Variants in SEC14L6 observed in about 807,000 individuals in gnomAD.
SEC14L6 encodes SEC14 like lipid binding 6.
A neutral mutation model predicts 54.1 loss-of-function variants in SEC14L6; 40 were observed. The ratio of observed to expected loss-of-function variants is 0.74; its 90% CI spans 0.57 to 0.96. The LOEUF (loss-of-function observed/expected upper bound fraction) is 0.96. Among genes scored for constraint, SEC14L6 ranks in the 40% least tolerant of loss-of-function variants. The pLI is 0.00. For synonymous variants in SEC14L6, 171 were observed against 198.4 expected (o/e 0.86, Z 1.16); for missense variants, 471 against 498.3 (o/e 0.95, Z 0.52).
intron 3 of SEC14L6, 111 bp downstream of exon 3, chr22:30,533,885 T>G: frequency 9.7e-7 from 1 of 1,030,552 alleles, no homozygotes; most frequent in Non-Finnish European, 1.4e-6. Context: ...TCTCAATGAA[T>G]GGGTGTTCCA....
intron 3 of SEC14L6, 200 bp from the exon 4 acceptor site, chr22:30,533,056 G>A (rs1015589244): frequency 2.4e-5 from 24 of 985,254 alleles, no homozygotes; most frequent in Admixed American, 1.2e-4. Flanking sequence ...GGCCAGGAGA[G>A]ACCTAGAAAG....
In SEC14L6 at chr22:30,532,010, T is replaced by TGACA; in HGVS notation, c.424-16_424-13dup. ...ACCCTCTTCCCCAGCTGCAAGGGAA[T>TGACA]GACAGGGGGTGAGACCCTGTGAGGG... On this transcript the variant is annotated splice_polypyrimidine_tract_variant and intron_variant, in intron 5 of 11. Transcript: ENST00000402034. 6.5e-7 allele frequency: 1 copy of TGACA among 1,549,338 alleles called. No individual in the cohort carries two copies.
chr22:30,525,158 G>T, intron 11 of SEC14L6, 49 bp from the exon 12 acceptor site: 1 of 1,288,514 alleles, frequency 7.8e-7, no homozygotes, highest in Non-Finnish European at 1.1e-6. Flanking sequence ...CTGGGACTCT[G>T]ACTTCCATGG....
chr22:30,534,035 C>T lies in SEC14L6; in HGVS notation c.135G>A (p.Arg45=). ...CCTCTGATTTCTGCAGGTCAAAGCT[C>T]CGAGCTGCAACAAGAGACAGGGTTA... The part of the protein sequence containing the change: ...DYFLLRWLQA[R]SFDLQKSEDM... The change falls in exon 3 of 12, where the codon CGG becomes CGA. Residue 45 remains arginine, a synonymous_variant. Coordinates refer to ENST00000402034, the MANE Select transcript of SEC14L6 (RefSeq NM_001193336.4). The T allele has an allele frequency of 6.4e-7, 1 of 1,550,806 alleles. No individual in the cohort carries two copies. The highest frequency in any genetic ancestry group is 8.7e-7 in the Non-Finnish European group (1 of 1,146,962).
intron 8 of SEC14L6, among the ~76,000 whole-genome samples, chr22:30,526,691 T>C (rs866104596): frequency 6.6e-6 from 1 of 151,610 alleles, no homozygotes; most frequent in African/African-American, 2.4e-5. Context: ...GACCACACCC[T>C]GTACTCCAGC....
intron 2 of SEC14L6, among the ~76,000 whole-genome samples, chr22:30,537,021 C>CAAAA (rs11383409): frequency 1.3e-5 from 1 of 78,454 alleles, no homozygotes. Flanking sequence ...GACTCTGACT[C>CAAAA]AAAAAAAAAA....
chr22:30,542,832 C>T, intron 1 of SEC14L6: 9 of 1,596,198 alleles, frequency 5.6e-6, no homozygotes, highest in Non-Finnish European at 7.7e-6. Context: ...AAGGCCACTT[C>T]CCCCGGGTAA....
At chr22:30,532,075 C>T (rs1393285405) in intron 5 of SEC14L6, 77 bp from the exon 6 acceptor site, 1 of 1,509,946 alleles carries the variant, frequency 6.6e-7, no homozygotes, top group Non-Finnish European at 8.9e-7. Flanking sequence ...TGGGCCTAAG[C>T]CCAGGGCACT....
intron 1 of SEC14L6, chr22:30,543,478 G>A: frequency 6.2e-7 from 1 of 1,612,578 alleles, no homozygotes; most frequent in African/African-American, 1.3e-5. Flanking sequence ...AACTCTTACA[G>A]AGAACAAGGA....
At chr22:30,529,425 G>A (rs1936895341) in intron 6 of SEC14L6, 76 bp from the exon 7 acceptor site, 1 of 1,208,356 alleles carries the variant, frequency 8.3e-7, no homozygotes, top group Non-Finnish European at 1.2e-6. Flanking sequence ...CACCCTCCAG[G>A]ACCCAAGGGC....
intron 1 of SEC14L6, chr22:30,542,897 G>A: frequency 6.2e-7 from 1 of 1,601,570 alleles, no homozygotes; most frequent in Non-Finnish European, 8.5e-7. Context: ...ATCTGCATCA[G>A]TAACATCACC....
chr22:30,543,696 G>A, intron 1 of SEC14L6: 1 of 1,610,632 alleles, frequency 6.2e-7, no homozygotes, highest in East Asian at 2.2e-5. Context: ...ATATTGTGGT[G>A]GGCGTGGTGT....
chr22:30,537,197 T>C (rs538337813), intron 2 of SEC14L6, among the ~76,000 whole-genome samples: 4 of 152,166 alleles, frequency 2.6e-5, no homozygotes, highest in South Asian at 2.1e-4. Flanking sequence ...ACAAAAATCA[T>C]AGGAGGCCAT....
chr22:30,531,149 T>C (rs920972645), intron 6 of SEC14L6, among the ~76,000 whole-genome samples: 1 of 152,110 alleles, frequency 6.6e-6, no homozygotes, highest in African/African-American at 2.4e-5. Context: ...GGTTCACACC[T>C]ATAATCCCAG....
chr22:30,527,714 CAAAAAAAA>C (rs778118906), intron 8 of SEC14L6, among the ~76,000 whole-genome samples: 2 of 30,144 alleles, frequency 6.6e-5, no homozygotes, highest in African/African-American at 1.1e-4. Flanking sequence ...GACCTTGTCT[CAAAAAAAA>C]AAAAAAAAAA....
chr22:30,528,422 C>CCTTTTTTT (rs773969166), intron 8 of SEC14L6, among the ~76,000 whole-genome samples: 16 of 105,522 alleles, frequency 1.5e-4, no homozygotes, highest in African/African-American at 5.6e-4. Flanking sequence ...CGCTCGGCCT[C>CCTTTTTTT]TTTTTTTTTT....
At chr22:30,526,063 T>A in intron 8 of SEC14L6, 131 bp from the exon 9 acceptor site, 1 of 1,064,424 alleles carries the variant, frequency 9.4e-7, no homozygotes, top group Non-Finnish European at 1.4e-6. Flanking sequence ...CTCCATTGCC[T>A]AGAGCAGTCC....
In SEC14L6 at chr22:30,525,618, C is replaced by A. The variant is rs1364170751; in HGVS notation, c.904G>T (p.Val302Leu). 6.2e-7 allele frequency: 1 copy of A among 1,608,968 alleles called. No individual in the cohort carries two copies. Among genetic ancestry groups the A allele is most frequent in the Non-Finnish European group, 8.5e-7 (1 of 1,177,746 alleles). Residue 302 changes from valine (V) to leucine (L), a missense_variant, in exon 10 of 12, where the codon GTG becomes TTG. Val to Leu is a conservative substitution (Grantham distance 32). Coordinates refer to ENST00000402034, the MANE Select transcript of SEC14L6 (RefSeq NM_001193336.4). The part of the protein sequence containing the change: ...VENEILFPGC[V>L]LRWQFASDGG... Reference sequence around the variant, plus strand: ...AGTGGCTGCCATCCCTACCTGAGCACACAGCCCGGGAACAGGATCTCGTTC... The same window carrying A: ...AGTGGCTGCCATCCCTACCTGAGCAAACAGCCCGGGAACAGGATCTCGTTC...
At chr22:30,542,527 C>A (rs1165248350) in intron 1 of SEC14L6, 7 of 1,016,638 alleles carry the variant, frequency 6.9e-6, no homozygotes, top group Non-Finnish European at 8.0e-6. Flanking sequence ...GCCCCGGCGG[C>A]GCTTCTAGTG....
Sources: gnomAD v4.1 joint callset for allele counts (sites outside exome capture counted in the v4.1 genomes callset) on GRCh38, gnomAD v4.1.1 for gene constraint, MANE v1.5 for transcripts, NCBI Gene and HGNC (gene_info 2026-07-23, HGNC 2026-07-21) for gene names.